The following SSBP3 variants were observed in gnomAD, a reference collection of about 807,000 sequenced individuals.
SSBP3 encodes single stranded DNA binding protein 3.
A neutral mutation model predicts 69.6 loss-of-function variants in SSBP3; 5 were observed. The ratio of observed to expected loss-of-function variants is 0.07; its 90% CI spans 0.04 to 0.15. The LOEUF (loss-of-function observed/expected upper bound fraction) is 0.15. SSBP3 is among the 10% of genes least tolerant of loss of function. The pLI, the probability that SSBP3 is intolerant of heterozygous loss-of-function variation, is 1.00. For synonymous variants in SSBP3, 196 were observed against 193.4 expected, an observed-to-expected ratio of 1.01 and a Z score of -0.11; for missense variants, 312 against 534.0, an observed-to-expected ratio of 0.58 and a Z score of 4.10.
chr1:54,227,112 C>A (rs747535779), exon 18 of SSBP3: 5 of 1,594,000 alleles, frequency 3.1e-6, no homozygotes, highest in Admixed American at 1.7e-5. Flanking sequence ...GCTCTCTCAG[C>A]GTCTCGGAGA....
At chr1:54,235,134 T>C (rs1290312619) in intron 14 of SSBP3, among the ~76,000 whole-genome samples, 1 of 152,172 alleles carries the variant, frequency 6.6e-6, no homozygotes, top group African/African-American at 2.4e-5. Flanking sequence ...GTTTTGGGAC[T>C]TGTAGGAATT....
At position 54,251,443 on chromosome 1, in the gene SSBP3, G is replaced by A. The variant is rs148401153; in HGVS notation, c.651+173C>T. On this transcript the variant is annotated intron_variant, in intron 9 of 17. Coordinates refer to ENST00000610401, the Ensembl canonical transcript of SSBP3. The stretch of plus-strand genomic sequence containing the variant: ...TCTGCAAGGGGCTGCCCTGGGCAGC[G>A]CGTGAAGCCAGCCTGCCACAGGAAG... Among the ~76,000 whole-genome samples, 42 of 152,350 alleles carry A rather than the reference G, an allele frequency of 2.8e-4. No individual in the cohort carries two copies. In the East Asian group the frequency reaches 6.4e-3, roughly 23 times the overall value.
chr1:54,232,243 C>G (rs545366316), intron 14 of SSBP3, among the ~76,000 whole-genome samples: 1 of 152,250 alleles, frequency 6.6e-6, no homozygotes, highest in African/African-American at 2.4e-5. Flanking sequence ...ACGTTTCTGT[C>G]CTCTGATACA....
At chr1:54,404,818 G>GGA in intron 2 of SSBP3, 40 bp downstream of exon 2, 1 of 1,082,214 alleles carries the variant, frequency 9.2e-7, no homozygotes, top group Non-Finnish European at 1.3e-6. Context: ...TGGGGGGGGG[G>GGA]GGTGTCAAGA....
At chr1:54,295,803 T>A (rs530219579) in intron 4 of SSBP3, among the ~76,000 whole-genome samples, 11 of 152,248 alleles carry the variant, frequency 7.2e-5, no homozygotes, top group Middle Eastern at 3.4e-3. Flanking sequence ...CTCCCCTCCA[T>A]CTGGAATGCC....
chr1:54,313,155 G>T (rs999221044), intron 4 of SSBP3, among the ~76,000 whole-genome samples: 1 of 151,888 alleles, frequency 6.6e-6, no homozygotes, highest in African/African-American at 2.4e-5. Flanking sequence ...GACAATGGGT[G>T]TACAACGGCA....
intron 5 of SSBP3, among the ~76,000 whole-genome samples, chr1:54,272,049 G>A (rs112240580): frequency 2.6e-5 from 4 of 152,304 alleles, no homozygotes; most frequent in African/African-American, 9.6e-5. Context: ...GATTATAGGC[G>A]TGAGCCACCA....
At chr1:54,384,926 A>C (rs1014181690) in intron 4 of SSBP3, among the ~76,000 whole-genome samples, 1 of 152,158 alleles carries the variant, frequency 6.6e-6, no homozygotes, top group African/African-American at 2.4e-5. Context: ...TGAACAGCTC[A>C]CATGGGCCTC....
intron 9 of SSBP3, among the ~76,000 whole-genome samples, chr1:54,245,831 G>C (rs1373749473): frequency 1.3e-5 from 2 of 152,258 alleles, no homozygotes; most frequent in Non-Finnish European, 2.9e-5. Flanking sequence ...TTGGCTGCCT[G>C]CTGGTGACTT....
intron 4 of SSBP3, among the ~76,000 whole-genome samples, chr1:54,373,711 G>A (rs1200697219): frequency 2.2e-4 from 33 of 151,640 alleles, no homozygotes; most frequent in Admixed American, 7.2e-4. Context: ...AAGCTGCAGG[G>A]AGCCGAGATT....
At position 54,405,973 on chromosome 1, in the gene SSBP3, C is replaced by T. The variant is rs540252738; in HGVS notation, c.36G>A (p.Ser12=). ...CTTACTTTTCCCGAGCCTGCCCATC[C>T]GAGGGCACCGCCGAGCCTTTGCCTT... Residue 12 remains serine, a synonymous_variant, in exon 1 of 18, where the codon TCG becomes TCA. Coordinates refer to ENST00000610401, the Ensembl canonical transcript of SSBP3. The T allele has an allele frequency of 5.2e-5, 76 of 1,473,146 alleles. No homozygotes were observed. In the South Asian group the frequency reaches 9.4e-4, roughly 18 times the overall value. 91.3% of individuals were successfully genotyped at this position (1,473,146 alleles called of 1,614,324 possible).
chr1:54,322,551 C>CAA (rs1646232744), intron 4 of SSBP3, among the ~76,000 whole-genome samples: 1 of 151,820 alleles, frequency 6.6e-6, no homozygotes, highest in Admixed American at 6.6e-5. Context: ...TGACACCTAT[C>CAA]AAATACCATG....
chr1:54,225,432 T>C (rs907257736), downstream of SSBP3: 31 of 1,232,778 alleles, frequency 2.5e-5, no homozygotes, highest in Non-Finnish European at 3.1e-5. Context: ...CAGGAAGGGC[T>C]GCGGAAAAAA....
intron 4 of SSBP3, among the ~76,000 whole-genome samples, chr1:54,304,676 G>T (rs1350288600): frequency 6.6e-6 from 1 of 152,148 alleles, no homozygotes; most frequent in Non-Finnish European, 1.5e-5. Flanking sequence ...AGTCCAGCGG[G>T]GTCACTGGAG....
intron 4 of SSBP3, among the ~76,000 whole-genome samples, chr1:54,293,073 C>A (rs1457324381): frequency 6.6e-6 from 1 of 152,066 alleles, no homozygotes; most frequent in African/African-American, 2.4e-5. Flanking sequence ...ACAGCCCCAG[C>A]CTGCGACCCC....
intron 4 of SSBP3, among the ~76,000 whole-genome samples, chr1:54,355,376 G>A (rs1315594435): frequency 6.6e-6 from 1 of 152,136 alleles, no homozygotes; most frequent in Non-Finnish European, 1.5e-5. Flanking sequence ...TTGAGACAGG[G>A]TCTCACTCTG....
At chr1:54,411,620 C>T (rs890574799) in intron 1 of SSBP3, among the ~76,000 whole-genome samples, 4 of 152,016 alleles carry the variant, frequency 2.6e-5, no homozygotes, top group Non-Finnish European at 4.4e-5. Context: ...CTGCCGGGCG[C>T]GGTGGTTCAC....
intron 6 of SSBP3, among the ~76,000 whole-genome samples, chr1:54,257,541 G>A (rs1229347984): frequency 6.6e-6 from 1 of 152,118 alleles, no homozygotes; most frequent in African/African-American, 2.4e-5. Flanking sequence ...GGACTGATAC[G>A]TAACATCTTA....
intron 4 of SSBP3, among the ~76,000 whole-genome samples, chr1:54,351,025 G>T (rs144510657): frequency 3.9e-5 from 6 of 151,972 alleles, no homozygotes; most frequent in African/African-American, 1.4e-4. Flanking sequence ...TGGGGGTCTC[G>T]CTATGTTGCC....
Sources: allele counts gnomAD v4.1 joint callset (sites outside exome capture counted in the v4.1 genomes callset), GRCh38; gene constraint gnomAD v4.1.1; transcripts MANE v1.5; gene names NCBI Gene and HGNC (gene_info 2026-07-23, HGNC 2026-07-21).